The following PUM2 variants were observed in gnomAD, a reference collection of about 807,000 sequenced individuals.
PUM2 encodes the protein pumilio homolog 2.
Under a neutral mutation model 124.5 loss-of-function variants are expected in PUM2, and 57 were observed. The ratio of observed to expected loss-of-function variants is 0.46; its 90% CI spans 0.37 to 0.57. The LOEUF (loss-of-function observed/expected upper bound fraction) is 0.57. PUM2 is among the 20% of genes least tolerant of loss of function. The probability of loss-of-function intolerance (pLI) is 0.00; values close to 1 mark genes in which losing one functional copy is unlikely to be tolerated. For synonymous variants in PUM2, 460 were observed against 446.1 expected (o/e 1.03, Z -0.39); for missense variants, 1,065 against 1,290.6 (o/e 0.83, Z 2.68).
chr2:20,320,494 G>A (rs548638550), intron 2 of PUM2, among the ~76,000 whole-genome samples: 1 of 152,124 alleles, frequency 6.6e-6, no homozygotes, highest in East Asian at 1.9e-4. Flanking sequence ...AATTCAATTT[G>A]AGCATGTTCC....
At chr2:20,338,676 A>G (rs1274622934) in intron 1 of PUM2, among the ~76,000 whole-genome samples, 2 of 152,230 alleles carry the variant, frequency 1.3e-5, no homozygotes, top group Admixed American at 6.5e-5. Flanking sequence ...TGTTCCATGA[A>G]ATGCTACTAG....
intron 14 of PUM2, among the ~76,000 whole-genome samples, 185 bp from the exon 15 acceptor site, chr2:20,260,651 T>TA (rs1457721755): frequency 2.6e-5 from 4 of 152,308 alleles, no homozygotes; most frequent in African/African-American, 9.6e-5. Context: ...ACACCTTATC[T>TA]AAAGATAGAG....
intron 7 of PUM2, among the ~76,000 whole-genome samples, chr2:20,300,926 C>T (rs1220130107): frequency 6.6e-6 from 1 of 152,176 alleles, no homozygotes; most frequent in Non-Finnish European, 1.5e-5. Context: ...CTTCACCAAG[C>T]CAGACTAACA....
Position 20,278,710 on chromosome 2 carries a change from G to A in PUM2, c.1830C>T (p.Tyr610=), listed in dbSNP as rs762187138. Residue 610 remains tyrosine, a synonymous_variant, in exon 13 of 21, where the codon TAC becomes TAT. Transcript: ENST00000361078. The stretch of plus-strand genomic sequence containing the variant: ...GAGAGGAGGAAAATCCCAGACTATT[G>A]TAAAATGGTTGCCCTATGGGTGCTA... ...SSLAPIGQPF[Y]NSLGFSSSPS... 3.9e-5 allele frequency: 63 copies of A among 1,613,360 alleles called. No individual in the cohort carries two copies. The highest frequency in any genetic ancestry group is 5.1e-5 in the Non-Finnish European group (60 of 1,179,682).
In PUM2 at chr2:20,254,945, G is replaced by A; in HGVS notation, c.2788C>T (p.His930Tyr). The change falls in exon 19 of 21, where the codon CAC becomes TAC. Residue 930 changes from histidine to tyrosine, a missense_variant. Physicochemically the swap from His to Tyr is moderately conservative, Grantham distance 83. Transcript: ENST00000361078. ...TTGCTCTTGTCTTCAGGTCGACCGTGTTCCAGTACATGCTGAATAACATAA... is the reference window on the plus strand; with the variant it reads ...TTGCTCTTGTCTTCAGGTCGACCGTATTCCAGTACATGCTGAATAACATAA... Reference protein sequence around the residue: ...GNYVIQHVLEHGRPEDKSKIV... With the variant: ...GNYVIQHVLEYGRPEDKSKIV... 6.2e-7 allele frequency: 1 copy of A among 1,613,760 alleles called. No individual in the cohort carries two copies. Among genetic ancestry groups the A allele is most frequent in the Non-Finnish European group, 8.5e-7 (1 of 1,179,732 alleles).
chr2:20,342,597 G>A (rs1032062847), intron 1 of PUM2, among the ~76,000 whole-genome samples: 3 of 152,070 alleles, frequency 2.0e-5, no homozygotes, highest in Admixed American at 2.0e-4. Context: ...CATAAGACTG[G>A]GTAGAATAGA....
intron 14 of PUM2, 124 bp downstream of exon 14, chr2:20,263,069 T>C (rs921007414): frequency 1.2e-5 from 10 of 803,956 alleles, no homozygotes; most frequent in South Asian, 2.0e-5. Context: ...ATATAATCCA[T>C]ATTGAATTTT....
At chr2:20,337,112 T>C (rs1686281160) in intron 1 of PUM2, among the ~76,000 whole-genome samples, 1 of 151,954 alleles carries the variant, frequency 6.6e-6, no homozygotes. Flanking sequence ...ATTTATGACA[T>C]AAAATTTTGA....
chr2:20,292,087 CAGG>C (rs1422626967), intron 9 of PUM2, among the ~76,000 whole-genome samples: 2 of 149,836 alleles, frequency 1.3e-5, no homozygotes, highest in South Asian at 2.2e-4. Context: ...TTGATAAGCC[CAGG>C]AGGAGGTTTT....
At chr2:20,343,404 G>T (rs1038553317) in intron 1 of PUM2, among the ~76,000 whole-genome samples, 1 of 151,648 alleles carries the variant, frequency 6.6e-6, no homozygotes, top group East Asian at 2.0e-4. Context: ...GGATGACAGA[G>T]ACCCTGCCTC....
intron 20 of PUM2, among the ~76,000 whole-genome samples, chr2:20,253,193 G>T (rs933708758): frequency 6.6e-6 from 1 of 152,078 alleles, no homozygotes; most frequent in Non-Finnish European, 1.5e-5. Context: ...GATTCCTTAA[G>T]AATTTCTTTT....
intron 13 of PUM2, among the ~76,000 whole-genome samples, chr2:20,268,325 A>C (rs1270474027): frequency 6.6e-6 from 1 of 152,190 alleles, no homozygotes; most frequent in African/African-American, 2.4e-5. Context: ...AAATCAAAGT[A>C]AGTATGCCCC....
intron 13 of PUM2, among the ~76,000 whole-genome samples, chr2:20,265,670 A>G (rs1400356356): frequency 6.6e-6 from 1 of 152,150 alleles, no homozygotes; most frequent in Non-Finnish European, 1.5e-5. Context: ...TTTTCCTTTC[A>G]AAGTCCATTT....
chr2:20,343,532 T>G (rs1285192960), intron 1 of PUM2, among the ~76,000 whole-genome samples: 2 of 152,242 alleles, frequency 1.3e-5, no homozygotes, highest in Non-Finnish European at 2.9e-5. Context: ...ACAGTAGGTA[T>G]GTACAATTCT....
chr2:20,301,164 C>A (rs1255766962), intron 7 of PUM2, among the ~76,000 whole-genome samples: 2 of 152,176 alleles, frequency 1.3e-5, no homozygotes, highest in Non-Finnish European at 2.9e-5. Context: ...ACCTTGGGCA[C>A]ATGTTGTCAG....
chr2:20,256,714 G>C (rs1664856082), intron 16 of PUM2, among the ~76,000 whole-genome samples: 2 of 152,080 alleles, frequency 1.3e-5, no homozygotes, highest in Admixed American at 1.3e-4. Flanking sequence ...AAGAATTAAT[G>C]TCAGGTATCT....
At chr2:20,342,558 T>C (rs897717742) in intron 1 of PUM2, among the ~76,000 whole-genome samples, 4 of 152,224 alleles carry the variant, frequency 2.6e-5, no homozygotes, top group South Asian at 2.1e-4. Context: ...GAAAAATGAA[T>C]GTGAGGTATG....
chr2:20,324,186 A>C (rs546093847), intron 2 of PUM2, among the ~76,000 whole-genome samples: 53 of 152,248 alleles, frequency 3.5e-4, no homozygotes, highest in Non-Finnish European at 5.6e-4. Context: ...GGTTATTCTT[A>C]TTATTATTTT....
At chr2:20,332,077 G>C (rs929664477) in intron 1 of PUM2, 11 of 152,100 alleles carry the variant, frequency 7.2e-5, no homozygotes, top group African/African-American at 2.7e-4. Context: ...AAATGTAAAA[G>C]CCATTCCCAT....
Sources: allele counts gnomAD v4.1 joint callset (sites outside exome capture counted in the v4.1 genomes callset), GRCh38; gene constraint gnomAD v4.1.1; transcripts MANE v1.5; gene names NCBI Gene and HGNC (gene_info 2026-07-23, HGNC 2026-07-21).